The following CCDC146 variants were observed in gnomAD, a reference collection of about 807,000 sequenced individuals.
CCDC146 encodes coiled-coil domain-containing protein 146.
Under a neutral mutation model 119.3 loss-of-function variants are expected in CCDC146, and 92 were observed. The observed-to-expected ratio is 0.77, with a 90% CI of 0.65 to 0.92. The LOEUF (loss-of-function observed/expected upper bound fraction) is 0.92, where lower values mean the gene tolerates loss of function less well. CCDC146 is among the 40% of genes least tolerant of loss of function. The probability of loss-of-function intolerance (pLI) is 0.00; values close to 1 mark genes in which losing one functional copy is unlikely to be tolerated. For missense variants in CCDC146, 1,000 were observed against 1,103.0 expected, an observed-to-expected ratio of 0.91 and a Z score of 1.32; for synonymous variants, 372 against 371.8, an observed-to-expected ratio of 1.00 and a Z score of -0.01.
rs1391649496 is a variant in CCDC146, at chr7:77,139,847, A to G, written c.-12+17115A>G. ...TTATAGGATACAAGGTCAAAAACAAAAATCAATTCTCTCCCCTTCCTTCCT... is the reference window on the plus strand; with the variant it reads ...TTATAGGATACAAGGTCAAAAACAAGAATCAATTCTCTCCCCTTCCTTCCT... On this transcript the variant is annotated intron_variant, in intron 1 of 18. Coordinates refer to ENST00000285871, the MANE Select transcript of CCDC146 (RefSeq NM_020879.3). Among the ~76,000 whole-genome samples, 12 of 151,790 alleles carry G rather than the reference A, an allele frequency of 7.9e-5. No individual in the cohort carries two copies. In the East Asian group the frequency reaches 2.1e-3, roughly 27 times the overall value.
chr7:77,156,890 C>A (rs1406812002), intron 1 of CCDC146, among the ~76,000 whole-genome samples: 1 of 150,204 alleles, frequency 6.7e-6, no homozygotes, highest in Non-Finnish European at 1.5e-5. Flanking sequence ...TATGTTATCT[C>A]CAAAAGATAA....
rs368492014 is a variant in CCDC146 at position 77,160,200 on chromosome 7, C to T, written c.-11-7458C>T. ...TGTAGTATAGTTTGAAGTCAGGTAGCGTGATGCCTCCAGCTTTGTTCTTTG... is the reference window on the plus strand; with the variant it reads ...TGTAGTATAGTTTGAAGTCAGGTAGTGTGATGCCTCCAGCTTTGTTCTTTG... On this transcript the variant is annotated intron_variant, in intron 1 of 18. Transcript: ENST00000285871. 7.5e-3 allele frequency among the ~76,000 whole-genome samples: 1,149 copies of T among 152,200 alleles called. 9 individuals carry two copies. Among genetic ancestry groups the T allele is most frequent in the Non-Finnish European group, 0.01 (682 of 68,012 alleles).
At position 77,280,435 on chromosome 7, in the gene CCDC146, A is replaced by G. The variant is rs1450590677; in HGVS notation, c.1701A>G (p.Leu567=). The change falls in exon 14 of 19, where the codon CTA becomes CTG. Residue 567 remains leucine (L), a synonymous_variant. Coordinates refer to ENST00000285871, the MANE Select transcript of CCDC146 (RefSeq NM_020879.3). ...TGTCTTATTACTTTAAAAGAAAGCT[A>G]CAAAATTCCATGCTGAAACACGCCA... is the stretch of plus-strand genomic sequence containing the variant. ...RNSAVSQERK[L]QNSMLKHANN... is the part of the protein sequence containing the mutation. 40 of 1,608,328 alleles carry G rather than the reference A, an allele frequency of 2.5e-5. No homozygotes were observed. The highest frequency in any genetic ancestry group is 3.1e-5 in the Non-Finnish European group (36 of 1,177,980).
chr7:77,135,791 A>G (rs1790853083), intron 1 of CCDC146, among the ~76,000 whole-genome samples: 1 of 152,248 alleles, frequency 6.6e-6, no homozygotes, highest in Non-Finnish European at 1.5e-5. Context: ...TAAATATAAG[A>G]CATATAAATT....
At chr7:77,129,009 A>G (rs1215225576) in intron 1 of CCDC146, among the ~76,000 whole-genome samples, 1 of 152,124 alleles carries the variant, frequency 6.6e-6, no homozygotes, top group African/African-American at 2.4e-5. Flanking sequence ...TACGTAAGTA[A>G]CAGGGTCAGC....
chr7:77,127,346 C>T (rs1790703771), intron 1 of CCDC146, among the ~76,000 whole-genome samples: 1 of 152,092 alleles, frequency 6.6e-6, no homozygotes, highest in Non-Finnish European at 1.5e-5. Flanking sequence ...GCAGTTTGGG[C>T]GGCTGTAGCA....
At chr7:77,146,893 G>T (rs1370416062) in intron 1 of CCDC146, among the ~76,000 whole-genome samples, 3 of 152,090 alleles carry the variant, frequency 2.0e-5, no homozygotes, top group Non-Finnish European at 2.9e-5. Flanking sequence ...GTATCTTGGA[G>T]TTGCTCCTCT....
intron 17 of CCDC146, among the ~76,000 whole-genome samples, chr7:77,289,305 T>G (rs551067547): frequency 1.3e-5 from 2 of 152,332 alleles, no homozygotes; most frequent in African/African-American, 4.8e-5. Flanking sequence ...TAAAGAAATG[T>G]ACATAGCGGC....
In CCDC146 at chr7:77,167,652, T is replaced by C; in HGVS notation, c.-11-6T>C. ...AATAGCCACATATGTATTAATTTTA[T>C]TTTAGAATCGTGAAAAATGGAAGAC... is the stretch of plus-strand genomic sequence containing the variant. On this transcript the variant is annotated splice_region_variant and splice_polypyrimidine_tract_variant and intron_variant, in intron 1 of 18. Transcript: ENST00000285871. The C allele has an allele frequency of 6.4e-7, 1 of 1,551,090 alleles. No homozygotes were observed. The highest frequency in any genetic ancestry group is 2.3e-5 in the East Asian group (1 of 42,900).
At chr7:77,148,302 G>A (rs571138865) in intron 1 of CCDC146, among the ~76,000 whole-genome samples, 13 of 152,202 alleles carry the variant, frequency 8.5e-5, no homozygotes, top group Non-Finnish European at 1.6e-4. Flanking sequence ...TCCAGGTGCC[G>A]TCTGTCACCC....
chr7:77,211,696 A>G (rs1792187812), intron 2 of CCDC146, among the ~76,000 whole-genome samples: 1 of 151,794 alleles, frequency 6.6e-6, no homozygotes, highest in Non-Finnish European at 1.5e-5. Flanking sequence ...GCTCACTGTA[A>G]CCTCCACCTC....
chr7:77,278,581 G>C (rs1301465814), intron 11 of CCDC146, among the ~76,000 whole-genome samples, 171 bp from the exon 12 acceptor site: 1 of 151,862 alleles, frequency 6.6e-6, no homozygotes, highest in Non-Finnish European at 1.5e-5. Flanking sequence ...GAGTAGCTGG[G>C]ACTACAGGTG....
intron 15 of CCDC146, among the ~76,000 whole-genome samples, chr7:77,285,564 G>T (rs934270916): frequency 1.3e-5 from 2 of 152,114 alleles, no homozygotes; most frequent in Non-Finnish European, 2.9e-5. Flanking sequence ...CAACCCCATG[G>T]CACTGAGCCT....
At chr7:77,132,876 A>G (rs1790805146) in intron 1 of CCDC146, among the ~76,000 whole-genome samples, 10 of 152,190 alleles carry the variant, frequency 6.6e-5, no homozygotes, top group Admixed American at 6.5e-4. Flanking sequence ...GATTTTTTTA[A>G]AAAGTGTTTG....
Position 77,287,581 on chromosome 7 carries a change from G to A in CCDC146, c.2415+4G>A. The stretch of plus-strand genomic sequence containing the variant: ...CACACTGCTCTTAGCCAAGAAGGTA[G>A]GCCTGAGACCCTGCCTTTTCCCTTC... On this transcript the variant is annotated splice_donor_region_variant and intron_variant, in intron 17 of 18. Coordinates refer to ENST00000285871, the MANE Select transcript of CCDC146 (RefSeq NM_020879.3). 6.2e-7 allele frequency: 1 copy of A among 1,611,868 alleles called. No homozygotes were observed. The highest frequency in any genetic ancestry group is 8.5e-7 in the Non-Finnish European group (1 of 1,179,212).
chr7:77,202,927 A>C (rs150878359), intron 2 of CCDC146, among the ~76,000 whole-genome samples: 53 of 152,214 alleles, frequency 3.5e-4, no homozygotes, highest in African/African-American at 1.2e-3. Flanking sequence ...GAAAGATAAC[A>C]TGGGGAGGGT....
At chr7:77,131,714 T>A (rs1360623309) in intron 1 of CCDC146, among the ~76,000 whole-genome samples, 1 of 152,182 alleles carries the variant, frequency 6.6e-6, no homozygotes, top group East Asian at 1.9e-4. Context: ...TGAGACTCCG[T>A]CTAAAAGAAA....
At chr7:77,294,466 GTGTGTGTGTGTGT>G (rs1794008518) in intron 18 of CCDC146, among the ~76,000 whole-genome samples, 184 bp from the exon 19 acceptor site, 3 of 57,588 alleles carry the variant, frequency 5.2e-5, no homozygotes, top group Admixed American at 4.7e-4. Flanking sequence ...AGAGGTAGGT[GTGTGTGTGTGTGT>G]GTGTGTGTGT....
chr7:77,207,450 A>G (rs2150444488), intron 2 of CCDC146, among the ~76,000 whole-genome samples: 1 of 152,294 alleles, frequency 6.6e-6, no homozygotes. Flanking sequence ...AATTATTTTG[A>G]TAGTGTTTAT....
Sources: allele counts gnomAD v4.1 joint callset (sites outside exome capture counted in the v4.1 genomes callset), GRCh38; gene constraint gnomAD v4.1.1; transcripts MANE v1.5; gene names NCBI Gene and HGNC (gene_info 2026-07-23, HGNC 2026-07-21).